Variants in TEAD1 observed in about 807,000 individuals in gnomAD.
The protein encoded by TEAD1 is transcriptional enhancer factor TEF-1.
A neutral mutation model predicts 54.9 loss-of-function variants in TEAD1; 9 were observed. The observed-to-expected ratio is 0.16, with a 90% CI of 0.10 to 0.29. TEAD1 has a LOEUF of 0.29. TEAD1 is among the 10% of genes least tolerant of loss of function. The pLI is 1.00. For synonymous variants in TEAD1, 200 were observed against 187.8 expected, an observed-to-expected ratio of 1.07 and a Z score of -0.53; for missense variants, 387 against 535.9, an observed-to-expected ratio of 0.72 and a Z score of 2.74.
At chr11:12,730,425 T>G (rs913560096) in intron 2 of TEAD1, among the ~76,000 whole-genome samples, 6 of 146,060 alleles carry the variant, frequency 4.1e-5, no homozygotes, top group Non-Finnish European at 7.5e-5. Context: ...TGTTTTTTTT[T>G]TTTTTTTTTT....
chr11:12,936,820 C>G (rs956171020), intron 12 of TEAD1, among the ~76,000 whole-genome samples: 2 of 152,072 alleles, frequency 1.3e-5, no homozygotes, highest in African/African-American at 4.8e-5. Flanking sequence ...GAAATCAGCC[C>G]CCTAAAAAAC....
At chr11:12,797,560 CTT>C (rs551712947) in intron 3 of TEAD1, among the ~76,000 whole-genome samples, 2 of 145,618 alleles carry the variant, frequency 1.4e-5, no homozygotes, top group Non-Finnish European at 1.5e-5. Context: ...CTGTCCCTCT[CTT>C]TTTTTTTTTT....
chr11:12,872,087 G>A (rs1340890335), intron 5 of TEAD1, among the ~76,000 whole-genome samples: 2 of 152,196 alleles, frequency 1.3e-5, no homozygotes, highest in African/African-American at 4.8e-5. Context: ...CCAATAGGCA[G>A]AGAGCTTAAA....
At chr11:12,819,668 G>A (rs947468397) in intron 3 of TEAD1, among the ~76,000 whole-genome samples, 1 of 151,974 alleles carries the variant, frequency 6.6e-6, no homozygotes, top group African/African-American at 2.4e-5. Flanking sequence ...AGCCAGGATG[G>A]TCTTGATCTC....
chr11:12,753,129 C>T (rs1944911503), intron 2 of TEAD1, among the ~76,000 whole-genome samples: 1 of 151,614 alleles, frequency 6.6e-6, no homozygotes, highest in Admixed American at 6.6e-5. Context: ...CAGATGTGTT[C>T]CACAGCGCCC....
intron 2 of TEAD1, among the ~76,000 whole-genome samples, chr11:12,685,215 G>C (rs1356669939): frequency 6.6e-6 from 1 of 152,090 alleles, no homozygotes; most frequent in Admixed American, 6.5e-5. Flanking sequence ...TAATTAATCT[G>C]GTTTCCCAGT....
At chr11:12,714,623 T>A (rs543067390) in intron 2 of TEAD1, among the ~76,000 whole-genome samples, 1 of 152,322 alleles carries the variant, frequency 6.6e-6, no homozygotes, top group South Asian at 2.1e-4. Flanking sequence ...AGTCATTCAT[T>A]CCAGTAGTAG....
Position 12,943,134 on chromosome 11 carries a change from T to G in TEAD1, c.*5912T>G, listed in dbSNP as rs1266158198. 6.6e-6 allele frequency: 1 copy of G among 152,210 alleles called. No individual in the cohort carries two copies. Among genetic ancestry groups the G allele is most frequent in the Non-Finnish European group, 1.5e-5 (1 of 68,030 alleles). 9.4% of individuals were successfully genotyped at this position (152,210 alleles called of 1,614,324 possible). On this transcript the variant is annotated 3_prime_UTR_variant, in exon 13 of 13. Coordinates refer to ENST00000527636, the MANE Select transcript of TEAD1 (RefSeq NM_021961.6). ...AGAATATCCTCTCTGGGCTCTGAAA[T>G]TTTAGGAGTGATTCTTATCCACTCC...
chr11:12,919,401 T>A (rs1259709639), intron 10 of TEAD1, among the ~76,000 whole-genome samples: 1 of 152,164 alleles, frequency 6.6e-6, no homozygotes, highest in Non-Finnish European at 1.5e-5. Context: ...ATCTAAAAAA[T>A]CAATTTTCTT....
At chr11:12,822,536 A>G (rs1017180571) in intron 3 of TEAD1, 8 of 152,238 alleles carry the variant, frequency 5.3e-5, no homozygotes, top group African/African-American at 1.7e-4. Context: ...ACAATGGAAG[A>G]TGGGGGGTGG....
chr11:12,907,111 C>G (rs1020535446), intron 10 of TEAD1, among the ~76,000 whole-genome samples: 4 of 152,124 alleles, frequency 2.6e-5, no homozygotes, highest in African/African-American at 9.7e-5. Flanking sequence ...ATTTTACATT[C>G]TCACCAGTAA....
At chr11:12,696,734 C>T (rs1056546124) in intron 2 of TEAD1, among the ~76,000 whole-genome samples, 8 of 151,962 alleles carry the variant, frequency 5.3e-5, no homozygotes, top group African/African-American at 1.7e-4. Context: ...ATACACCCTG[C>T]GTGCTGTCCT....
chr11:12,928,746 TGATA>T (rs60181835), intron 11 of TEAD1, among the ~76,000 whole-genome samples: 10,212 of 152,268 alleles, frequency 0.067, 393 homozygotes, highest in Middle Eastern at 0.12. Context: ...TATTTTTAAT[TGATA>T]GATAAAAATT....
intron 2 of TEAD1, among the ~76,000 whole-genome samples, chr11:12,718,472 C>G (rs995671783): frequency 5.3e-5 from 8 of 152,212 alleles, no homozygotes; most frequent in Admixed American, 2.6e-4. Flanking sequence ...TATGTTCTTG[C>G]ATTCCCTTGG....
chr11:12,693,473 A>G (rs1046024317), intron 2 of TEAD1, among the ~76,000 whole-genome samples: 3 of 152,222 alleles, frequency 2.0e-5, no homozygotes, highest in Non-Finnish European at 4.4e-5. Flanking sequence ...GGCCTGAATT[A>G]AAATATTGCT....
At chr11:12,879,070 C>A (rs111300705) in intron 5 of TEAD1, among the ~76,000 whole-genome samples, 37 of 152,198 alleles carry the variant, frequency 2.4e-4, no homozygotes, top group African/African-American at 8.4e-4. Context: ...TACGAACCCA[C>A]GTAGCCTTAG....
At chr11:12,838,270 T>A (rs904738452) in intron 3 of TEAD1, among the ~76,000 whole-genome samples, 1 of 152,208 alleles carries the variant, frequency 6.6e-6, no homozygotes, top group African/African-American at 2.4e-5. Flanking sequence ...TTAGGGGCAT[T>A]TGGAGCACTG....
In TEAD1 at chr11:12,850,932, C is replaced by T. The variant is rs573377810; in HGVS notation, c.203-11318C>T. 3.3e-5 allele frequency: 10 copies of T among 306,064 alleles called. No individual in the cohort carries two copies. The East Asian group carries it at 1.0e-3, about 32-fold the overall frequency. 19.0% of individuals were successfully genotyped at this position (306,064 alleles called of 1,614,324 possible). A position where few individuals can be genotyped will look rare whatever the true frequency, so the allele number is the denominator to read the frequency against. On this transcript the variant is annotated intron_variant, in intron 3 of 12. Coordinates refer to ENST00000527636, the MANE Select transcript of TEAD1 (RefSeq NM_021961.6). ...ATGAGCATGCATTGGTCATAAGAGA[C>T]GAGAACAAAGGTCTGAAAAATTGTG... is the stretch of plus-strand genomic sequence containing the variant.
chr11:12,832,521 T>C (rs1649886792), intron 3 of TEAD1, among the ~76,000 whole-genome samples: 1 of 152,240 alleles, frequency 6.6e-6, no homozygotes, highest in African/African-American at 2.4e-5. Context: ...CTTCTTGCAC[T>C]AATCATTAAT....
Sources: allele counts gnomAD v4.1 joint callset (sites outside exome capture counted in the v4.1 genomes callset), GRCh38; gene constraint gnomAD v4.1.1; transcripts MANE v1.5; gene names NCBI Gene and HGNC (gene_info 2026-07-23, HGNC 2026-07-21).